The following SERPINE2 variants were observed in gnomAD, a reference collection of about 807,000 sequenced individuals.
The protein encoded by SERPINE2 is serpin family E member 2, also known as glia-derived nexin.
SERPINE2 carries 14 observed loss-of-function variants against 36.3 expected under a neutral mutation model. The observed-to-expected ratio is 0.39, with a 90% CI of 0.25 to 0.60. The LOEUF (loss-of-function observed/expected upper bound fraction) is 0.60, where lower values mean the gene tolerates loss of function less well. SERPINE2 is among the 20% of genes least tolerant of loss of function. SERPINE2 has a pLI of 0.57. For synonymous variants in SERPINE2, 192 were observed against 191.8 expected, an observed-to-expected ratio of 1.00 and a Z score of -0.01; for missense variants, 418 against 499.6, an observed-to-expected ratio of 0.84 and a Z score of 1.56.
At chr2:224,037,717 G>A (rs1692579323) in intron 1 of SERPINE2, among the ~76,000 whole-genome samples, 1 of 152,154 alleles carries the variant, frequency 6.6e-6, no homozygotes, top group South Asian at 2.1e-4. Context: ...ACCCTTGTGT[G>A]GAAGTGAAAA....
intron 6 of SERPINE2, 92 bp downstream of exon 6, chr2:223,982,589 A>T (rs1319928941): frequency 1.1e-5 from 8 of 722,810 alleles, no homozygotes; most frequent in Non-Finnish European, 1.8e-5. Flanking sequence ...AGGGCAACAC[A>T]TTCCTAATTC....
At chr2:224,015,466 G>A (rs1433232560) in intron 1 of SERPINE2, among the ~76,000 whole-genome samples, 1 of 152,198 alleles carries the variant, frequency 6.6e-6, no homozygotes, top group Non-Finnish European at 1.5e-5. Context: ...AAGCTCTCAA[G>A]TGCAAACAAA....
At position 223,994,554 on chromosome 2, in the gene SERPINE2, A is replaced by G. The variant is rs375995545; in HGVS notation, c.488-2554T>C. ...TACTCTCTTAAATAAGAAACCAAGA[A>G]GGAAATCTGGTCTCAAAAACTACGA... On this transcript the variant is annotated intron_variant, in intron 3 of 8. Coordinates refer to ENST00000409304, the MANE Select transcript of SERPINE2 (RefSeq NM_001136528.2). 3.9e-5 allele frequency among the ~76,000 whole-genome samples: 6 copies of G among 152,178 alleles called. 1 individual carries two copies. Among genetic ancestry groups the G allele is most frequent in the African/African-American group, 9.7e-5 (4 of 41,438 alleles).
intron 1 of SERPINE2, among the ~76,000 whole-genome samples, chr2:224,033,493 A>C (rs1692442872): frequency 6.6e-6 from 1 of 152,190 alleles, no homozygotes; most frequent in Non-Finnish European, 1.5e-5. Context: ...AGGTTTTAAA[A>C]ATAAGACACC....
chr2:224,007,951 C>T (rs865911162), intron 1 of SERPINE2, among the ~76,000 whole-genome samples: 19 of 152,176 alleles, frequency 1.2e-4, no homozygotes, highest in African/African-American at 4.3e-4. Context: ...GATCTGGCCA[C>T]GCTTTTTTCT....
intron 3 of SERPINE2, among the ~76,000 whole-genome samples, chr2:223,993,460 G>A (rs1167422956): frequency 1.3e-5 from 2 of 151,736 alleles, no homozygotes; most frequent in Non-Finnish European, 2.9e-5. Flanking sequence ...ATGTATGTGT[G>A]TTTTTAAATA....
intron 1 of SERPINE2, among the ~76,000 whole-genome samples, chr2:224,018,028 G>A (rs1192316429): frequency 6.6e-6 from 1 of 152,186 alleles, no homozygotes; most frequent in African/African-American, 2.4e-5. Context: ...AGGGTCTCTA[G>A]TATGTGACTT....
intron 2 of SERPINE2, among the ~76,000 whole-genome samples, chr2:223,999,539 G>T (rs13392374): frequency 1.3e-5 from 2 of 151,908 alleles, no homozygotes; most frequent in Non-Finnish European, 2.9e-5. Flanking sequence ...GCTTTACAAC[G>T]TGCATGGCCC....
At chr2:224,031,625 C>T (rs1020117) in intron 1 of SERPINE2, 6 of 400,090 alleles carry the variant, frequency 1.5e-5, no homozygotes, top group South Asian at 2.1e-4. Context: ...GGTATCGGGA[C>T]GAGCATGTGA....
At chr2:224,000,884 G>C (rs1691093788) in intron 2 of SERPINE2, among the ~76,000 whole-genome samples, 1 of 152,116 alleles carries the variant, frequency 6.6e-6, no homozygotes, top group African/African-American at 2.4e-5. Context: ...TGGCTGCATA[G>C]TATTCCATGG....
At chr2:223,987,965 A>C (rs1203185914) in intron 4 of SERPINE2, among the ~76,000 whole-genome samples, 2 of 152,212 alleles carry the variant, frequency 1.3e-5, no homozygotes, top group Non-Finnish European at 2.9e-5. Context: ...TTTAGACTGC[A>C]CTTTAGTAGA....
intron 1 of SERPINE2, among the ~76,000 whole-genome samples, chr2:224,035,352 G>GT (rs1559224879): frequency 6.6e-6 from 1 of 151,626 alleles, no homozygotes; most frequent in Admixed American, 6.6e-5. Context: ...ACATGGGAAT[G>GT]TAAGCTTCCT....
intron 1 of SERPINE2, among the ~76,000 whole-genome samples, chr2:224,019,245 C>T (rs1691905488): frequency 1.1e-5 from 1 of 87,282 alleles, no homozygotes; most frequent in South Asian, 4.8e-4. Context: ...AACAATAGTA[C>T]AATAATAAAA....
chr2:223,976,820 T>C (rs1163866167), intron 8 of SERPINE2, among the ~76,000 whole-genome samples: 1 of 151,952 alleles, frequency 6.6e-6, no homozygotes, highest in Non-Finnish European at 1.5e-5. Flanking sequence ...AACAATAGAG[T>C]GGGCTTACAA....
At chr2:224,035,230 A>G (rs993767871) in intron 1 of SERPINE2, among the ~76,000 whole-genome samples, 4 of 152,176 alleles carry the variant, frequency 2.6e-5, no homozygotes, top group Non-Finnish European at 4.4e-5. Context: ...TCTGAAGCCC[A>G]TGGGAGCCAG....
rs530003190 is a variant in SERPINE2, at chr2:223,978,086, C to G, written c.1073-459G>C. ...TCACTCTGTCACCCAGGCTGGAGTG[C>G]AGTGGCGCGATCTTGGCTCACTGCA... On this transcript the variant is annotated intron_variant, in intron 7 of 8. Coordinates refer to ENST00000409304, the MANE Select transcript of SERPINE2 (RefSeq NM_001136528.2). 162 of 157,806 alleles carry G rather than the reference C, an allele frequency of 1.0e-3. 3 individuals are homozygous for G. In the East Asian group the frequency reaches 0.024, roughly 24 times the overall value. 9.8% of individuals were successfully genotyped at this position (157,806 alleles called of 1,614,324 possible). A position where few individuals can be genotyped will look rare whatever the true frequency, so the allele number is the denominator to read the frequency against.
At chr2:224,027,226 A>G (rs1010992314) in intron 1 of SERPINE2, among the ~76,000 whole-genome samples, 3 of 152,152 alleles carry the variant, frequency 2.0e-5, no homozygotes, top group African/African-American at 7.2e-5. Flanking sequence ...TTACTCCCCT[A>G]ATCTCGCATA....
chr2:223,995,152 C>CA (rs1204607217), intron 3 of SERPINE2, among the ~76,000 whole-genome samples: 1 of 152,120 alleles, frequency 6.6e-6, no homozygotes, highest in Non-Finnish European at 1.5e-5. Context: ...ACATAGAGTA[C>CA]AAGGATGAGT....
chr2:224,029,157 G>A (rs371838657), intron 1 of SERPINE2, among the ~76,000 whole-genome samples: 3 of 152,184 alleles, frequency 2.0e-5, no homozygotes, highest in Non-Finnish European at 4.4e-5. Flanking sequence ...ATGTCATTAA[G>A]AAATTAGCAC....
Sources: allele counts gnomAD v4.1 joint callset (sites outside exome capture counted in the v4.1 genomes callset), GRCh38; gene constraint gnomAD v4.1.1; transcripts MANE v1.5; gene names NCBI Gene and HGNC (gene_info 2026-07-23, HGNC 2026-07-21).